RASAL2: variants seen among roughly 807,000 people sequenced by gnomAD.
RASAL2 encodes the protein ras GTPase-activating protein nGAP.
A neutral mutation model predicts 128.9 loss-of-function variants in RASAL2; 58 were observed. The ratio of observed to expected loss-of-function variants is 0.45; its 90% CI spans 0.36 to 0.56. RASAL2 has a LOEUF of 0.56. Ranked by LOEUF, RASAL2 falls within the 20% of genes least tolerant of loss-of-function variation. The probability of loss-of-function intolerance (pLI) is 0.00; values close to 1 mark genes in which losing one functional copy is unlikely to be tolerated. For synonymous variants in RASAL2, 561 were observed against 580.8 expected (o/e 0.97, Z 0.49); for missense variants, 1,360 against 1,601.6 (o/e 0.85, Z 2.57).
chr1:178,464,490 A>G (rs1647435736), intron 15 of RASAL2, 78 bp downstream of exon 15: 2 of 1,537,248 alleles, frequency 1.3e-6, no homozygotes, highest in Non-Finnish European at 8.8e-7. Flanking sequence ...CTAAGAACAT[A>G]AACTCATCCC....
chr1:178,326,175 A>C (rs973515905), intron 3 of RASAL2, among the ~76,000 whole-genome samples: 5 of 152,330 alleles, frequency 3.3e-5, no homozygotes, highest in African/African-American at 1.2e-4. Flanking sequence ...CTTTCCCAAG[A>C]AAAATTAATT....
chr1:178,377,690 T>G (rs1200229752), intron 3 of RASAL2, among the ~76,000 whole-genome samples: 3 of 151,846 alleles, frequency 2.0e-5, no homozygotes, highest in Non-Finnish European at 4.4e-5. Context: ...GACTGGTAGG[T>G]GAGGTGGGAG....
At chr1:178,359,571 A>G (rs576906777) in intron 3 of RASAL2, among the ~76,000 whole-genome samples, 1 of 152,310 alleles carries the variant, frequency 6.6e-6, no homozygotes, top group East Asian at 1.9e-4. Flanking sequence ...GAATTTCCCA[A>G]GATACTTAAA....
At chr1:178,311,253 AAC>A (rs67243509) in intron 3 of RASAL2, among the ~76,000 whole-genome samples, 2,814 of 143,656 alleles carry the variant, frequency 0.02, 41 homozygotes, top group Admixed American at 0.031. Flanking sequence ...CACACACACA[AAC>A]ACACACACAC....
At chr1:178,371,038 C>T (rs1275804571) in intron 3 of RASAL2, among the ~76,000 whole-genome samples, 1 of 151,660 alleles carries the variant, frequency 6.6e-6, no homozygotes, top group Non-Finnish European at 1.5e-5. Flanking sequence ...TTGTTTTATC[C>T]TAGTAACAAG....
intron 17 of RASAL2, among the ~76,000 whole-genome samples, chr1:178,468,373 T>C (rs937963372): frequency 3.3e-5 from 5 of 152,238 alleles, no homozygotes; most frequent in African/African-American, 1.2e-4. Context: ...TATGCATAGA[T>C]AGCCTCCTCC....
At chr1:178,162,317 A>G (rs1338841709) in intron 1 of RASAL2, among the ~76,000 whole-genome samples, 1 of 125,668 alleles carries the variant, frequency 8.0e-6, no homozygotes, top group African/African-American at 3.1e-5. Flanking sequence ...ATAATGTATT[A>G]TATATTATAT....
At chr1:178,286,082 G>C (rs150057029) in intron 2 of RASAL2, among the ~76,000 whole-genome samples, 1 of 152,152 alleles carries the variant, frequency 6.6e-6, no homozygotes, top group East Asian at 1.9e-4. Flanking sequence ...TCTCCCTATG[G>C]CTCTGTGTAT....
intron 1 of RASAL2, among the ~76,000 whole-genome samples, chr1:178,216,448 G>T (rs568998901): frequency 6.6e-6 from 1 of 152,104 alleles, no homozygotes; most frequent in African/African-American, 2.4e-5. Flanking sequence ...AACTGCAGCC[G>T]TAAAATTAGA....
Position 178,474,665 on chromosome 1 carries a change from A to G in RASAL2, c.*1426A>G, listed in dbSNP as rs1421067223. On this transcript the variant is annotated 3_prime_UTR_variant, in exon 18 of 18. Transcript: ENST00000367649. Reference sequence around the variant, plus strand: ...GATTACCAGAAGTATGGAAGGTTACATGTTAAACAGACATTATATATACAA... The same window carrying G: ...GATTACCAGAAGTATGGAAGGTTACGTGTTAAACAGACATTATATATACAA... 1 of 151,878 alleles carries G rather than the reference A, an allele frequency of 6.6e-6. No individual in the cohort carries two copies. Among genetic ancestry groups the G allele is most frequent in the Admixed American group, 6.6e-5 (1 of 15,242 alleles). 9.4% of individuals were successfully genotyped at this position (151,878 alleles called of 1,614,324 possible).
chr1:178,253,715 G>A (rs1665170261), intron 1 of RASAL2, among the ~76,000 whole-genome samples: 1 of 152,166 alleles, frequency 6.6e-6, no homozygotes, highest in South Asian at 2.1e-4. Context: ...GGAGCTTTCT[G>A]AGCCAGGATG....
chr1:178,128,408 T>G (rs923192740), intron 1 of RASAL2, among the ~76,000 whole-genome samples: 1 of 152,146 alleles, frequency 6.6e-6, no homozygotes, highest in African/African-American at 2.4e-5. Context: ...CTTGTTAGTT[T>G]GTTATGAGGA....
intron 1 of RASAL2, among the ~76,000 whole-genome samples, chr1:178,197,412 C>G (rs111511536): frequency 0.049 from 7,439 of 151,924 alleles, 267 homozygotes; most frequent in African/African-American, 0.1. Flanking sequence ...CGAGATTGTG[C>G]CATTGGACTC....
intron 1 of RASAL2, among the ~76,000 whole-genome samples, chr1:178,236,171 C>T (rs542213716): frequency 6.6e-6 from 1 of 151,884 alleles, no homozygotes; most frequent in Non-Finnish European, 1.5e-5. Context: ...AGGATCTGAC[C>T]CAGTGTGGTC....
intron 1 of RASAL2, among the ~76,000 whole-genome samples, chr1:178,229,755 C>T (rs1304252181): frequency 6.6e-6 from 1 of 152,152 alleles, no homozygotes; most frequent in Non-Finnish European, 1.5e-5. Flanking sequence ...ATCTATAACA[C>T]TGATTAAGCA....
intron 3 of RASAL2, among the ~76,000 whole-genome samples, chr1:178,363,463 G>C (rs1032840983): frequency 3.9e-5 from 6 of 151,992 alleles, no homozygotes; most frequent in African/African-American, 9.7e-5. Flanking sequence ...TTTTCATTTT[G>C]TTGATTGTTT....
At chr1:178,161,374 G>A (rs757527869) in intron 1 of RASAL2, among the ~76,000 whole-genome samples, 1 of 152,076 alleles carries the variant, frequency 6.6e-6, no homozygotes, top group Non-Finnish European at 1.5e-5. Context: ...AGAATATACA[G>A]TATGGACTTT....
chr1:178,238,179 T>C (rs1039634369), intron 1 of RASAL2, among the ~76,000 whole-genome samples: 16 of 152,336 alleles, frequency 1.1e-4, no homozygotes, highest in African/African-American at 3.8e-4. Flanking sequence ...TTTTACAATA[T>C]GTGACATTTT....
At chr1:178,125,649 G>A (rs1455806689) in intron 1 of RASAL2, 2 of 152,122 alleles carry the variant, frequency 1.3e-5, no homozygotes, top group Admixed American at 6.5e-5. Context: ...ACATTGACAA[G>A]GCTTCTGCTT....
Sources: allele counts gnomAD v4.1 joint callset (sites outside exome capture counted in the v4.1 genomes callset), GRCh38; gene constraint gnomAD v4.1.1; transcripts MANE v1.5; gene names NCBI Gene and HGNC (gene_info 2026-07-23, HGNC 2026-07-21).